Variants in SLC24A2 observed in about 807,000 individuals in gnomAD.
SLC24A2 encodes sodium/potassium/calcium exchanger 2.
Under a neutral mutation model 62.0 loss-of-function variants are expected in SLC24A2, and 36 were observed. That is an observed-to-expected ratio of 0.58 (90% CI 0.44 to 0.77). The LOEUF (loss-of-function observed/expected upper bound fraction) is 0.77. SLC24A2 is among the 30% of genes least tolerant of loss of function. The probability of loss-of-function intolerance (pLI) is 0.00; values close to 1 mark genes in which losing one functional copy is unlikely to be tolerated. For synonymous variants in SLC24A2, 358 were observed against 294.0 expected (o/e 1.22, Z -2.23); for missense variants, 846 against 817.9 (o/e 1.03, Z -0.42).
chr9:19,968,974 A>G, the SLC24A2 span, among the ~76,000 whole-genome samples: 1 of 152,150 alleles, frequency 6.6e-6, no homozygotes, highest in African/African-American at 2.4e-5. Context: ...AGAAGCCACA[A>G]ATATGATAAT....
the SLC24A2 span, among the ~76,000 whole-genome samples, chr9:20,275,636 T>C: frequency 1.3e-5 from 2 of 152,346 alleles, no homozygotes; most frequent in South Asian, 4.1e-4. Context: ...TCCAATGATA[T>C]GTTGATTGAG....
chr9:20,159,122 A>T, the SLC24A2 span, among the ~76,000 whole-genome samples: 1 of 151,678 alleles, frequency 6.6e-6, no homozygotes, highest in East Asian at 1.9e-4. Flanking sequence ...ACAAGTCAAG[A>T]TTTATACCAA....
At chr9:20,014,628 C>A in the SLC24A2 span, among the ~76,000 whole-genome samples, 1 of 151,808 alleles carries the variant, frequency 6.6e-6, no homozygotes, top group Non-Finnish European at 1.5e-5. Flanking sequence ...ATAAGCAAGG[C>A]ACAAAAGGAC....
the SLC24A2 span, among the ~76,000 whole-genome samples, chr9:19,940,453 T>C: frequency 5.9e-5 from 9 of 152,164 alleles, no homozygotes; most frequent in Non-Finnish European, 1.2e-4. Flanking sequence ...CTTAGGTAAA[T>C]TGTATGTTCT....
chr9:19,965,087 G>A, the SLC24A2 span, among the ~76,000 whole-genome samples: 1 of 151,966 alleles, frequency 6.6e-6, no homozygotes, highest in East Asian at 1.9e-4. Context: ...TGACACACAG[G>A]TGGAAATGAC....
the SLC24A2 span, among the ~76,000 whole-genome samples, chr9:19,997,530 C>T: frequency 6.6e-6 from 1 of 152,128 alleles, no homozygotes; most frequent in Non-Finnish European, 1.5e-5. Flanking sequence ...CAGGATCATT[C>T]AGCACACTCT....
At chr9:20,242,250 A>C in the SLC24A2 span, among the ~76,000 whole-genome samples, 4 of 152,242 alleles carry the variant, frequency 2.6e-5, no homozygotes, top group African/African-American at 9.6e-5. Context: ...AGGTAGAAGA[A>C]GACTTGTAAA....
chr9:19,903,512 T>C, the SLC24A2 span, among the ~76,000 whole-genome samples: 247 of 152,296 alleles, frequency 1.6e-3, 4 homozygotes, highest in East Asian at 0.046. Context: ...CAGTCCATAG[T>C]AGGGAGGCAT....
At chr9:19,915,885 T>A in the SLC24A2 span, among the ~76,000 whole-genome samples, 1 of 152,068 alleles carries the variant, frequency 6.6e-6, no homozygotes, top group African/African-American at 2.4e-5. Flanking sequence ...ATCTTTTCCC[T>A]TTTTTGATAG....
chr9:20,051,088 T>C, the SLC24A2 span, among the ~76,000 whole-genome samples: 1 of 152,040 alleles, frequency 6.6e-6, no homozygotes, highest in African/African-American at 2.4e-5. Flanking sequence ...AAGACAAAGA[T>C]TGTCAGACTA....
chr9:19,743,465 C>T (rs534929284), intron 2 of SLC24A2, among the ~76,000 whole-genome samples: 62 of 152,226 alleles, frequency 4.1e-4, no homozygotes, highest in African/African-American at 1.4e-3. Flanking sequence ...CTTTCAGTGG[C>T]ATTTCTGAAA....
the SLC24A2 span, among the ~76,000 whole-genome samples, chr9:20,025,125 T>A: frequency 6.6e-6 from 1 of 152,212 alleles, no homozygotes; most frequent in South Asian, 2.1e-4. Context: ...CAAAGTTCAC[T>A]TTGGTATTTT....
the SLC24A2 span, among the ~76,000 whole-genome samples, chr9:19,809,914 A>G: frequency 6.6e-6 from 1 of 152,044 alleles, no homozygotes; most frequent in Admixed American, 6.6e-5. Flanking sequence ...CTCCACTCCT[A>G]AACTACTCGT....
At chr9:19,948,318 C>T in the SLC24A2 span, among the ~76,000 whole-genome samples, 1 of 152,168 alleles carries the variant, frequency 6.6e-6, no homozygotes, top group African/African-American at 2.4e-5. Context: ...AAGGCAGGCT[C>T]CCAGTCTTTG....
intron 2 of SLC24A2, among the ~76,000 whole-genome samples, chr9:19,663,213 G>A (rs1210997450): frequency 6.6e-6 from 1 of 152,188 alleles, no homozygotes; most frequent in Non-Finnish European, 1.5e-5. Flanking sequence ...GGCTCAGAGA[G>A]GTCAGGAGAC....
chr9:19,642,164 T>TG (rs1818515958), intron 2 of SLC24A2, among the ~76,000 whole-genome samples: 1 of 152,160 alleles, frequency 6.6e-6, no homozygotes, highest in South Asian at 2.1e-4. Context: ...GGAATATGCC[T>TG]GGGCCTCTCC....
At chr9:20,267,732 T>A in the SLC24A2 span, among the ~76,000 whole-genome samples, 1 of 152,246 alleles carries the variant, frequency 6.6e-6, no homozygotes, top group Non-Finnish European at 1.5e-5. Context: ...ATTTAGAGAA[T>A]GTTTGCCTCT....
the SLC24A2 span, among the ~76,000 whole-genome samples, chr9:20,262,135 G>T: frequency 2.0e-5 from 3 of 152,116 alleles, no homozygotes; most frequent in Admixed American, 2.0e-4. Context: ...CCCAAAAAGA[G>T]AAATAATGCT....
the SLC24A2 span, among the ~76,000 whole-genome samples, chr9:20,215,030 G>T: frequency 6.6e-6 from 1 of 152,110 alleles, no homozygotes; most frequent in East Asian, 1.9e-4. Flanking sequence ...AAATACCATA[G>T]ACTAGATGGC....
Sources: allele counts gnomAD v4.1 joint callset (sites outside exome capture counted in the v4.1 genomes callset), GRCh38; gene constraint gnomAD v4.1.1; transcripts MANE v1.5; gene names NCBI Gene and HGNC (gene_info 2026-07-23, HGNC 2026-07-21).